Variants in CPNE8 observed in about 807,000 individuals in gnomAD.
CPNE8 encodes the protein copine 8.
Under a neutral mutation model 81.5 loss-of-function variants are expected in CPNE8, and 45 were observed. The ratio of observed to expected loss-of-function variants is 0.55; its 90% CI spans 0.44 to 0.71. The LOEUF (loss-of-function observed/expected upper bound fraction) is 0.71. Among genes scored for constraint, CPNE8 ranks in the 30% least tolerant of loss-of-function variants. The pLI is 0.00. For missense variants in CPNE8, 594 were observed against 672.1 expected, an observed-to-expected ratio of 0.88 and a Z score of 1.28; for synonymous variants, 252 against 226.3, an observed-to-expected ratio of 1.11 and a Z score of -1.02.
chr12:38,867,305 A>AGTGTGTGTGTGTGT (rs35874005), intron 3 of CPNE8, among the ~76,000 whole-genome samples: 30 of 133,222 alleles, frequency 2.3e-4, no homozygotes, highest in African/African-American at 8.4e-4. Flanking sequence ...TGAATAGTAT[A>AGTGTGTGTGTGTGT]GTGTGTGTGT....
chr12:38,736,968 T>C (rs1419811679), intron 10 of CPNE8, among the ~76,000 whole-genome samples: 1 of 152,090 alleles, frequency 6.6e-6, no homozygotes, highest in Non-Finnish European at 1.5e-5. Context: ...AAAATACTTA[T>C]GTAACTCACA....
chr12:38,694,770 T>A (rs936432394), intron 14 of CPNE8, among the ~76,000 whole-genome samples: 2 of 152,178 alleles, frequency 1.3e-5, no homozygotes, highest in African/African-American at 4.8e-5. Flanking sequence ...AATGGAAAGT[T>A]AAATGAGACT....
In CPNE8 at chr12:38,653,740, AT is replaced by A. The variant is rs1938756585; in HGVS notation, c.*141del. The A allele has an allele frequency of 8.0e-7, 1 of 1,249,694 alleles. No individual in the cohort carries two copies. The allele number at this position is 1,249,694 out of a possible 1,614,324, so 77.4% of individuals were successfully genotyped here. ...AGTTTTGGTTTAGGAAGATATTTAA[AT>A]TTGGATCCAAGAAAGCACATTAACT... On this transcript the variant is annotated 3_prime_UTR_variant, in exon 20 of 20. Coordinates refer to ENST00000331366, the MANE Select transcript of CPNE8 (RefSeq NM_153634.3).
chr12:38,744,142 A>G (rs897867887), intron 10 of CPNE8, among the ~76,000 whole-genome samples: 9 of 152,230 alleles, frequency 5.9e-5, no homozygotes, highest in Admixed American at 5.9e-4. Context: ...CGGTTTTCAC[A>G]TAAAGGGAAC....
At chr12:38,692,251 T>C (rs970252449) in intron 15 of CPNE8, among the ~76,000 whole-genome samples, 1 of 151,862 alleles carries the variant, frequency 6.6e-6, no homozygotes, top group African/African-American at 2.4e-5. Context: ...ATCTCACTAC[T>C]GCACTCCAGC....
chr12:38,818,652 A>C (rs1426657440), intron 6 of CPNE8, among the ~76,000 whole-genome samples: 1 of 152,142 alleles, frequency 6.6e-6, no homozygotes, highest in Non-Finnish European at 1.5e-5. Context: ...ATATTCAGTA[A>C]TGGGATTGCT....
intron 19 of CPNE8, 50 bp from the exon 20 acceptor site, chr12:38,654,120 T>C (rs1431851205): frequency 6.6e-7 from 1 of 1,520,896 alleles, no homozygotes; most frequent in African/African-American, 1.4e-5. Context: ...GCAGGCTATG[T>C]AATAAACACA....
At chr12:38,675,258 G>T (rs1005738747) in intron 18 of CPNE8, among the ~76,000 whole-genome samples, 1 of 152,064 alleles carries the variant, frequency 6.6e-6, no homozygotes, top group Non-Finnish European at 1.5e-5. Context: ...GCTAGAGCCC[G>T]AAAACCCATT....
chr12:38,785,445 AG>A (rs1942162155), intron 6 of CPNE8, among the ~76,000 whole-genome samples: 1 of 152,010 alleles, frequency 6.6e-6, no homozygotes. Flanking sequence ...CATGTTGTGG[AG>A]GGACCTGGTG....
intron 5 of CPNE8, among the ~76,000 whole-genome samples, chr12:38,830,302 T>C (rs1943264436): frequency 6.6e-6 from 1 of 152,170 alleles, no homozygotes; most frequent in African/African-American, 2.4e-5. Flanking sequence ...TTTAATTTAA[T>C]TTAATTTAAT....
chr12:38,779,462 G>A (rs1194425003), intron 6 of CPNE8, among the ~76,000 whole-genome samples: 3 of 152,076 alleles, frequency 2.0e-5, no homozygotes, highest in Admixed American at 1.3e-4. Flanking sequence ...TTCACTTTAT[G>A]AGCCTAAAAA....
Position 38,677,509 on chromosome 12 carries a change from C to G in CPNE8, c.1317G>C (p.Leu439=). 6.2e-7 allele frequency: 1 copy of G among 1,612,650 alleles called. No individual in the cohort carries two copies. Among genetic ancestry groups the G allele is most frequent in the East Asian group, 2.2e-5 (1 of 44,806 alleles). The change falls in exon 17 of 20, where the codon CTG becomes CTC. Residue 439 remains leucine (L), a synonymous_variant. Coordinates refer to ENST00000331366, the MANE Select transcript of CPNE8 (RefSeq NM_153634.3). The part of the protein sequence containing the change: ...VKDGSQYFVL[L]IVTDGVISDM... ...CTGAGATAACACCATCTGTAACAAT[C>G]AGAAGCACAAAATACTGGGAGCCAT...
chr12:38,795,537 G>A (rs369850970), intron 6 of CPNE8, among the ~76,000 whole-genome samples: 80 of 152,228 alleles, frequency 5.3e-4, no homozygotes, highest in African/African-American at 1.3e-3. Context: ...GGAATGTTAC[G>A]CAGTCTTTAA....
chr12:38,835,440 T>C (rs1943363817), intron 5 of CPNE8, among the ~76,000 whole-genome samples: 1 of 152,212 alleles, frequency 6.6e-6, no homozygotes, highest in Admixed American at 6.5e-5. Flanking sequence ...TAATCACTTA[T>C]TGTATTCATG....
intron 13 of CPNE8, among the ~76,000 whole-genome samples, chr12:38,711,786 C>T (rs112187445): frequency 0.015 from 2,230 of 152,192 alleles, 32 homozygotes; most frequent in South Asian, 0.042. Context: ...ACATTTTAAA[C>T]GTACAAAAAT....
Position 38,717,429 on chromosome 12 carries a change from G to GTGTATATATA in CPNE8, c.914+6342_914+6343insTATATATACA, listed in dbSNP as rs770984926. 4.8e-4 allele frequency among the ~76,000 whole-genome samples: 42 copies of GTGTATATATA among 87,032 alleles called. 1 individual carries two copies. The highest frequency in any genetic ancestry group is 1.5e-3 in the South Asian group (3 of 1,994). 57.1% of individuals were successfully genotyped at this position (87,032 alleles called of 152,430 possible). A position where few individuals can be genotyped will look rare whatever the true frequency, so the allele number is the denominator to read the frequency against. Reference sequence around the variant, plus strand: ...AACAAGTAAACAAAGAAAGTGTGGTGTATATATATATATATATATATATAT... The same window carrying GTGTATATATA: ...AACAAGTAAACAAAGAAAGTGTGGTGTGTATATATATATATATATATATATATATATATAT... On this transcript the variant is annotated intron_variant, in intron 13 of 19. Coordinates refer to ENST00000331366, the MANE Select transcript of CPNE8 (RefSeq NM_153634.3).
chr12:38,659,021 A>C (rs148709053), intron 19 of CPNE8, among the ~76,000 whole-genome samples: 1,779 of 152,274 alleles, frequency 0.012, 35 homozygotes, highest in African/African-American at 0.041. Context: ...CTAACATAAT[A>C]ATGACAGGAT....
chr12:38,677,331 G>A, intron 17 of CPNE8, 121 bp downstream of exon 17: 1 of 629,916 alleles, frequency 1.6e-6, no homozygotes, highest in South Asian at 2.0e-5. Context: ...GGTTAAGGAT[G>A]CAATCTGCTG....
intron 5 of CPNE8, among the ~76,000 whole-genome samples, chr12:38,838,861 C>T (rs1460588786): frequency 6.6e-6 from 1 of 152,120 alleles, no homozygotes; most frequent in Non-Finnish European, 1.5e-5. Context: ...TCCATGCTCC[C>T]AGATTTTCCA....
Sources: allele counts gnomAD v4.1 joint callset (sites outside exome capture counted in the v4.1 genomes callset), GRCh38; gene constraint gnomAD v4.1.1; transcripts MANE v1.5; gene names NCBI Gene and HGNC (gene_info 2026-07-23, HGNC 2026-07-21).